Variants in SPOCK1 observed in about 807,000 individuals in gnomAD.
SPOCK1 encodes testican-1.
SPOCK1 carries 23 observed loss-of-function variants against 55.3 expected under a neutral mutation model. That is an observed-to-expected ratio of 0.42 (90% CI 0.30 to 0.59). The LOEUF (loss-of-function observed/expected upper bound fraction) is 0.59, where lower values mean the gene tolerates loss of function less well. SPOCK1 is among the 20% of genes least tolerant of loss of function. The pLI is 0.22. For synonymous variants in SPOCK1, 226 were observed against 221.0 expected, an observed-to-expected ratio of 1.02 and a Z score of -0.20; for missense variants, 499 against 552.5, an observed-to-expected ratio of 0.90 and a Z score of 0.97.
chr5:136,994,234 C>T (rs1198188914), intron 6 of SPOCK1, among the ~76,000 whole-genome samples: 1 of 152,156 alleles, frequency 6.6e-6, no homozygotes, highest in Non-Finnish European at 1.5e-5. Flanking sequence ...CCTTAAAACA[C>T]TGCCTTGCTT....
chr5:137,024,768 C>T (rs1751639608), intron 6 of SPOCK1, among the ~76,000 whole-genome samples: 1 of 152,112 alleles, frequency 6.6e-6, no homozygotes, highest in South Asian at 2.1e-4. Context: ...GGGTATTTAT[C>T]CAAAGGAACA....
chr5:137,486,205 C>T lies in SPOCK1; in HGVS notation c.186+12168G>A, dbSNP rs150385231. 3.3e-5 allele frequency among the ~76,000 whole-genome samples: 5 copies of T among 152,282 alleles called. No individual in the cohort carries two copies. The East Asian group carries it at 7.7e-4, about 24-fold the overall frequency. On this transcript the variant is annotated intron_variant, in intron 2 of 10. Transcript: ENST00000394945. ...CAGCACCTTCCTGTTGGCCTGTTGGCAGTGTCTGTACCCATAAAATTGGGT... is the reference window on the plus strand; with the variant it reads ...CAGCACCTTCCTGTTGGCCTGTTGGTAGTGTCTGTACCCATAAAATTGGGT...
At chr5:137,134,532 T>C (rs1469295224) in intron 4 of SPOCK1, among the ~76,000 whole-genome samples, 2 of 152,202 alleles carry the variant, frequency 1.3e-5, no homozygotes, top group East Asian at 1.9e-4. Flanking sequence ...AAGCAATGCA[T>C]GAGCCACTTG....
intron 2 of SPOCK1, among the ~76,000 whole-genome samples, chr5:137,309,190 T>A (rs1757749396): frequency 6.6e-6 from 1 of 152,246 alleles, no homozygotes; most frequent in African/African-American, 2.4e-5. Flanking sequence ...CATTGCCATC[T>A]TTCTTTCTCC....
chr5:137,183,481 G>A (rs1038530279), intron 3 of SPOCK1, among the ~76,000 whole-genome samples: 2 of 152,120 alleles, frequency 1.3e-5, no homozygotes, highest in Non-Finnish European at 2.9e-5. Flanking sequence ...CTGGGTCAGT[G>A]GTTCTCAAAT....
At chr5:137,389,512 A>T (rs1751670746) in intron 2 of SPOCK1, among the ~76,000 whole-genome samples, 1 of 152,262 alleles carries the variant, frequency 6.6e-6, no homozygotes, top group African/African-American at 2.4e-5. Context: ...CACTTGATGA[A>T]GTGATGAGCA....
intron 2 of SPOCK1, among the ~76,000 whole-genome samples, chr5:137,477,143 A>T (rs1753852160): frequency 6.6e-6 from 1 of 152,354 alleles, no homozygotes; most frequent in East Asian, 1.9e-4. Flanking sequence ...AATACTAGGC[A>T]GTCATGCTCA....
chr5:137,409,656 G>C (rs986454474), intron 2 of SPOCK1, among the ~76,000 whole-genome samples: 8 of 152,174 alleles, frequency 5.3e-5, no homozygotes, highest in African/African-American at 1.9e-4. Flanking sequence ...TATTACATGG[G>C]TAAGAGGCAC....
intron 6 of SPOCK1, among the ~76,000 whole-genome samples, chr5:137,014,609 G>A (rs1191318112): frequency 2.6e-5 from 4 of 152,172 alleles, no homozygotes; most frequent in Admixed American, 2.6e-4. Context: ...AGGAAGAAGA[G>A]AGAGACCCTC....
intron 2 of SPOCK1, among the ~76,000 whole-genome samples, chr5:137,332,219 C>G (rs901090498): frequency 6.6e-6 from 1 of 152,132 alleles, no homozygotes; most frequent in Non-Finnish European, 1.5e-5. Flanking sequence ...CGACACTCCC[C>G]CCCAGCCCTC....
intron 3 of SPOCK1, among the ~76,000 whole-genome samples, chr5:137,155,512 A>G (rs1224526144): frequency 6.6e-6 from 1 of 152,236 alleles, no homozygotes; most frequent in Non-Finnish European, 1.5e-5. Flanking sequence ...GTCACGCTGG[A>G]AACTGATACA....
chr5:137,298,076 T>C (rs1261356162), intron 2 of SPOCK1, among the ~76,000 whole-genome samples: 2 of 152,104 alleles, frequency 1.3e-5, no homozygotes, highest in Admixed American at 6.5e-5. Flanking sequence ...TCACTCAAAC[T>C]TTCTGAGCCT....
chr5:137,277,006 T>C (rs1757080031), intron 2 of SPOCK1, among the ~76,000 whole-genome samples: 3 of 152,106 alleles, frequency 2.0e-5, no homozygotes, highest in Admixed American at 1.3e-4. Context: ...ATCATCGTAA[T>C]AATAGCAGCT....
intron 2 of SPOCK1, among the ~76,000 whole-genome samples, chr5:137,406,384 C>T (rs1381163537): frequency 1.3e-5 from 2 of 152,168 alleles, no homozygotes; most frequent in African/African-American, 2.4e-5. Context: ...AGATGCATGC[C>T]CACGACATTG....
intron 3 of SPOCK1, among the ~76,000 whole-genome samples, chr5:137,215,151 C>G (rs1755692617): frequency 6.6e-6 from 1 of 152,146 alleles, no homozygotes; most frequent in African/African-American, 2.4e-5. Flanking sequence ...GTGCCAAGAA[C>G]CAAACTTTCT....
chr5:137,131,877 C>T (rs1191411950), intron 4 of SPOCK1, among the ~76,000 whole-genome samples: 1 of 144,924 alleles, frequency 6.9e-6, no homozygotes, highest in African/African-American at 2.6e-5. Flanking sequence ...GAGGCTGAGG[C>T]AGGAGAATGG....
chr5:137,051,919 CT>C (rs1752215052), intron 6 of SPOCK1, among the ~76,000 whole-genome samples: 2 of 152,174 alleles, frequency 1.3e-5, no homozygotes, highest in African/African-American at 4.8e-5. Context: ...TGGCTTACTG[CT>C]TTTGACCTGA....
At chr5:136,985,952 AGAG>A (rs1756981914) in intron 8 of SPOCK1, among the ~76,000 whole-genome samples, 1 of 152,140 alleles carries the variant, frequency 6.6e-6, no homozygotes, top group Non-Finnish European at 1.5e-5. Context: ...TGTCCTTGGC[AGAG>A]GAGTTCTGGT....
chr5:137,132,699 A>C (rs1241004620), intron 4 of SPOCK1, among the ~76,000 whole-genome samples: 1 of 152,146 alleles, frequency 6.6e-6, no homozygotes, highest in Non-Finnish European at 1.5e-5. Flanking sequence ...TCCATCTCCT[A>C]CAGATAAAAC....
Sources: allele counts gnomAD v4.1 joint callset (sites outside exome capture counted in the v4.1 genomes callset), GRCh38; gene constraint gnomAD v4.1.1; transcripts MANE v1.5; gene names NCBI Gene and HGNC (gene_info 2026-07-23, HGNC 2026-07-21).